SYNPR: variants seen among roughly 807,000 people sequenced by gnomAD.
SYNPR encodes the protein synaptoporin.
Under a neutral mutation model 32.9 loss-of-function variants are expected in SYNPR, and 23 were observed. The ratio of observed to expected loss-of-function variants is 0.70; its 90% CI spans 0.50 to 0.99. The LOEUF is 0.99. SYNPR is among the 50% of genes least tolerant of loss of function. The pLI is 0.00. For synonymous variants in SYNPR, 146 were observed against 135.9 expected, an observed-to-expected ratio of 1.07 and a Z score of -0.52; for missense variants, 318 against 349.3, an observed-to-expected ratio of 0.91 and a Z score of 0.71.
intron 2 of SYNPR, among the ~76,000 whole-genome samples, chr3:63,367,566 G>C (rs2087742491): frequency 6.6e-6 from 1 of 151,968 alleles, no homozygotes; most frequent in Non-Finnish European, 1.5e-5. Context: ...ATGTTGCCCA[G>C]CCTCGTCTCA....
intron 2 of SYNPR, among the ~76,000 whole-genome samples, chr3:63,331,026 T>G (rs1330724918): frequency 6.6e-6 from 1 of 152,218 alleles, no homozygotes; most frequent in Non-Finnish European, 1.5e-5. Context: ...TGAACTCTGA[T>G]TCTTCATCAT....
At chr3:63,569,336 T>C (rs575300049) in intron 4 of SYNPR, among the ~76,000 whole-genome samples, 1 of 152,270 alleles carries the variant, frequency 6.6e-6, no homozygotes, top group South Asian at 2.1e-4. Context: ...TTTTTCCACA[T>C]TAAATACATC....
chr3:63,401,711 T>C (rs1035926818), intron 2 of SYNPR, among the ~76,000 whole-genome samples: 1 of 152,204 alleles, frequency 6.6e-6, no homozygotes, highest in Non-Finnish European at 1.5e-5. Context: ...AGATGGCATA[T>C]ACCTGGTACT....
intron 3 of SYNPR, among the ~76,000 whole-genome samples, chr3:63,523,662 C>A (rs1221762871): frequency 1.3e-5 from 2 of 152,120 alleles, no homozygotes; most frequent in Non-Finnish European, 2.9e-5. Context: ...TCAGAAATAG[C>A]CATCTTACCT....
intron 1 of SYNPR, among the ~76,000 whole-genome samples, chr3:63,247,583 C>T (rs1367380740): frequency 1.3e-5 from 2 of 152,000 alleles, no homozygotes; most frequent in African/African-American, 4.8e-5. Flanking sequence ...GTATGTATAC[C>T]TGAGAGTGTT....
chr3:63,332,138 A>G (rs563637034), intron 2 of SYNPR, among the ~76,000 whole-genome samples: 1 of 152,300 alleles, frequency 6.6e-6, no homozygotes, highest in East Asian at 1.9e-4. Flanking sequence ...CCTGAGTTTT[A>G]TAATTGGACT....
At chr3:63,366,614 C>G (rs562721147) in intron 2 of SYNPR, among the ~76,000 whole-genome samples, 16 of 152,248 alleles carry the variant, frequency 1.1e-4, no homozygotes, top group African/African-American at 3.6e-4. Context: ...GCTGACAGGT[C>G]ACCAATCCAG....
At chr3:63,265,761 C>T (rs72878288) in intron 2 of SYNPR, among the ~76,000 whole-genome samples, 255 of 152,260 alleles carry the variant, frequency 1.7e-3, no homozygotes, top group African/African-American at 5.3e-3. Flanking sequence ...CTTTCACATT[C>T]CATGTGGGCT....
At chr3:63,247,762 G>A (rs557393418) in intron 1 of SYNPR, among the ~76,000 whole-genome samples, 37 of 152,148 alleles carry the variant, frequency 2.4e-4, no homozygotes, top group Non-Finnish European at 3.8e-4. Flanking sequence ...CATTTTACCC[G>A]CTCTCTCAGC....
chr3:63,593,750 G>A lies in SYNPR; in HGVS notation c.409-15375G>A, dbSNP rs60820632. Among the ~76,000 whole-genome samples the A allele has an allele frequency of 6.7e-3, 1,024 of 152,226 alleles. 8 individuals carry two copies. The highest frequency in any genetic ancestry group is 0.024 in the African/African-American group (977 of 41,550). ...CAGACCTTGTAACAGAAGAACATCA[G>A]CATCCACTACATCTCTCTTTTTGCA... On this transcript the variant is annotated intron_variant, in intron 4 of 5. Coordinates refer to ENST00000478300, the MANE Select transcript of SYNPR (RefSeq NM_001130003.2).
chr3:63,486,893 T>G (rs1701165943), intron 3 of SYNPR, among the ~76,000 whole-genome samples: 1 of 152,144 alleles, frequency 6.6e-6, no homozygotes, highest in Non-Finnish European at 1.5e-5. Flanking sequence ...AGGGTGTCCT[T>G]CAATGTCAGC....
intron 3 of SYNPR, among the ~76,000 whole-genome samples, chr3:63,488,636 C>G (rs764491238): frequency 6.6e-6 from 1 of 152,102 alleles, no homozygotes; most frequent in Non-Finnish European, 1.5e-5. Context: ...ATGAGTTAGT[C>G]GTGTAGTACA....
chr3:63,564,187 G>T (rs1038960986), intron 4 of SYNPR, among the ~76,000 whole-genome samples: 1 of 143,098 alleles, frequency 7.0e-6, no homozygotes, highest in African/African-American at 2.6e-5. Flanking sequence ...GGGTGTGTGT[G>T]TGTCTTTCTT....
chr3:63,489,779 T>C (rs1701225295), intron 3 of SYNPR, among the ~76,000 whole-genome samples: 1 of 152,210 alleles, frequency 6.6e-6, no homozygotes, highest in Non-Finnish European at 1.5e-5. Flanking sequence ...AAATGAATAT[T>C]GTGCAGAGAA....
rs1258585453 is a variant in SYNPR, at chr3:63,372,384, G to A, written c.84+93642G>A. Among the ~76,000 whole-genome samples, 5 of 152,064 alleles carry A rather than the reference G, an allele frequency of 3.3e-5. No homozygotes were observed. The South Asian group carries it at 8.3e-4, about 25-fold the overall frequency. ...TATCTCTGAGAGGGAGCTCCCAGAG[G>A]CAACTGAAAGCCCCTCTGCCACTGC... On this transcript the variant is annotated intron_variant, in intron 2 of 5. Transcript: ENST00000478300.
At chr3:63,218,063 G>A in the SYNPR span, among the ~76,000 whole-genome samples, 1 of 152,246 alleles carries the variant, frequency 6.6e-6, no homozygotes, top group East Asian at 1.9e-4. Flanking sequence ...GCAACGGGAG[G>A]TGGAGGTTGC....
intron 2 of SYNPR, among the ~76,000 whole-genome samples, chr3:63,392,024 G>A (rs1362685120): frequency 6.6e-6 from 1 of 152,278 alleles, no homozygotes; most frequent in African/African-American, 2.4e-5. Flanking sequence ...TTCTAGGTGT[G>A]AGCTTGTATA....
At chr3:63,286,722 T>C (rs1243669778) in intron 2 of SYNPR, among the ~76,000 whole-genome samples, 1 of 152,228 alleles carries the variant, frequency 6.6e-6, no homozygotes, top group Non-Finnish European at 1.5e-5. Flanking sequence ...TATTTGTTAT[T>C]ATTCCTGTTC....
At chr3:63,584,637 G>C (rs187509965) in intron 4 of SYNPR, among the ~76,000 whole-genome samples, 2 of 152,082 alleles carry the variant, frequency 1.3e-5, no homozygotes, top group African/African-American at 4.8e-5. Context: ...AATCGGGTCC[G>C]TGGGTAATAT....
Sources: allele counts gnomAD v4.1 joint callset (sites outside exome capture counted in the v4.1 genomes callset), GRCh38; gene constraint gnomAD v4.1.1; transcripts MANE v1.5; gene names NCBI Gene and HGNC (gene_info 2026-07-23, HGNC 2026-07-21).